The following IQSEC1 variants were observed in gnomAD, a reference collection of about 807,000 sequenced individuals.
The protein encoded by IQSEC1 is IQ motif and SEC7 domain-containing protein 1.
IQSEC1 carries 31 observed loss-of-function variants against 91.0 expected under a neutral mutation model. The observed-to-expected ratio is 0.34, with a 90% CI of 0.26 to 0.46. The LOEUF is 0.46. Among genes scored for constraint, IQSEC1 ranks in the 20% least tolerant of loss-of-function variants. The pLI is 1.00. For synonymous variants in IQSEC1, 699 were observed against 662.6 expected, an observed-to-expected ratio of 1.05 and a Z score of -0.84; for missense variants, 1,388 against 1,575.6, an observed-to-expected ratio of 0.88 and a Z score of 2.02.
At chr3:12,949,463 G>A (rs916543154) in intron 1 of IQSEC1, among the ~76,000 whole-genome samples, 1 of 152,264 alleles carries the variant, frequency 6.6e-6, no homozygotes, top group African/African-American at 2.4e-5. Context: ...GCACAGGCCA[G>A]AGCAAAACAG....
At chr3:13,077,011 T>G (rs1303270673), upstream of IQSEC1, among the ~76,000 whole-genome samples, 2 of 137,312 alleles carry the variant, frequency 1.5e-5, no homozygotes, top group Admixed American at 8.2e-5. Context: ...ATGGCATCAT[T>G]TTACAAATTT....
intron 1 of IQSEC1, among the ~76,000 whole-genome samples, chr3:13,053,836 C>A (rs1704783013): frequency 6.6e-6 from 1 of 152,206 alleles, no homozygotes; most frequent in Non-Finnish European, 1.5e-5. Flanking sequence ...CACATATATT[C>A]ACTGTACTAA....
rs567422625 is a variant in IQSEC1, at chr3:12,979,686, C to T, written c.24-37821G>A. 6.6e-6 allele frequency among the ~76,000 whole-genome samples: 1 copy of T among 152,214 alleles called. No individual in the cohort carries two copies. The highest frequency in any genetic ancestry group is 6.5e-5 in the Admixed American group (1 of 15,296). ...TAAGCCTTTGTGGGTGATAAAGAGA[C>T]ATTAAAGGTCTGTCAGCATGCCGAC... On this transcript the variant is annotated intron_variant, in intron 1 of 13. Transcript: ENST00000613206. The surrounding 1 kb of genome is among the most constrained non-coding windows in gnomAD (Gnocchi z 4.3).
chr3:13,013,717 G>A (rs1011131494), intron 1 of IQSEC1, among the ~76,000 whole-genome samples: 2 of 151,520 alleles, frequency 1.3e-5, no homozygotes, highest in South Asian at 2.1e-4. Flanking sequence ...CACCAAGAAG[G>A]GAAGGGATGG....
intron 1 of IQSEC1, among the ~76,000 whole-genome samples, chr3:12,984,070 C>T (rs1701604129): frequency 1.3e-5 from 2 of 152,174 alleles, no homozygotes; most frequent in South Asian, 4.1e-4. Flanking sequence ...GGGACCCAGG[C>T]CTTCTCTAAG....
intron 1 of IQSEC1, among the ~76,000 whole-genome samples, chr3:13,187,824 C>T (rs471259): frequency 0.1 from 15,779 of 152,204 alleles, 1,165 homozygotes; most frequent in Non-Finnish European, 0.15. Flanking sequence ...GGACCCACCT[C>T]CTTATGGAGA....
chr3:13,150,014 GGA>G (rs1244203338), intron 2 of IQSEC1, among the ~76,000 whole-genome samples: 1 of 152,144 alleles, frequency 6.6e-6, no homozygotes, highest in African/African-American at 2.4e-5. Flanking sequence ...GGTTCTAGAG[GGA>G]GAGTGGGAGG....
intron 1 of IQSEC1, among the ~76,000 whole-genome samples, chr3:13,032,972 C>T (rs757499472): frequency 1.3e-5 from 2 of 152,218 alleles, no homozygotes; most frequent in East Asian, 1.9e-4. Context: ...ACGAGGGCCT[C>T]GGGGCCTGGA....
chr3:12,942,481 T>C (rs1284690417), intron 1 of IQSEC1, among the ~76,000 whole-genome samples: 1 of 151,790 alleles, frequency 6.6e-6, no homozygotes, highest in Non-Finnish European at 1.5e-5. Flanking sequence ...TGGTCGCCTG[T>C]AGTCCCAGCT....
chr3:13,003,704 A>G (rs966767770), intron 1 of IQSEC1, among the ~76,000 whole-genome samples: 5 of 152,224 alleles, frequency 3.3e-5, no homozygotes, highest in African/African-American at 1.2e-4. Context: ...AAAGCTTGGT[A>G]AAAAGGACAT....
intron 1 of IQSEC1, among the ~76,000 whole-genome samples, chr3:13,012,641 C>T (rs1438478668): frequency 6.6e-6 from 1 of 152,236 alleles, no homozygotes; most frequent in Non-Finnish European, 1.5e-5. Flanking sequence ...ATGCCGGGCA[C>T]AGAGCCAGGG....
At chr3:12,905,204 C>A (rs1271184100) in intron 12 of IQSEC1, among the ~76,000 whole-genome samples, 1 of 152,222 alleles carries the variant, frequency 6.6e-6, no homozygotes, top group Non-Finnish European at 1.5e-5. Context: ...CTGATCAGGC[C>A]AAGCCAGCCC....
chr3:13,218,368 A>G (rs141109598), intron 1 of IQSEC1, among the ~76,000 whole-genome samples: 32 of 152,320 alleles, frequency 2.1e-4, no homozygotes, highest in Non-Finnish European at 4.1e-4. Context: ...ATGTAGAATG[A>G]ATGACTCATA....
At position 12,941,784 on chromosome 3, in the gene IQSEC1, G is replaced by A. The variant is rs200380325; in HGVS notation, c.105C>T (p.Pro35=). 6.8e-5 allele frequency: 109 copies of A among 1,611,366 alleles called. 1 individual carries two copies. The highest frequency in any genetic ancestry group is 8.1e-5 in the Non-Finnish European group (95 of 1,179,668). The change falls in exon 2 of 14, where the codon CCC becomes CCT. Residue 35 remains proline (P), a synonymous_variant. Coordinates refer to ENST00000613206, the MANE Select transcript of IQSEC1 (RefSeq NM_001134382.3). ...PSAYPQGPLV[P]GSSLSPDHYE... ...AGTGATCCGGGCTCAGGCTGGAACC[G>A]GGCACCAAGGGGCCCTGGGGGTAGG...
At chr3:13,117,609 G>A (rs1383200242) in intron 2 of IQSEC1, among the ~76,000 whole-genome samples, 1 of 141,788 alleles carries the variant, frequency 7.1e-6, no homozygotes, top group Non-Finnish European at 1.5e-5. Context: ...AGCCACGGCT[G>A]GGTGCAGTGG....
chr3:13,145,517 A>G (rs899643026), intron 2 of IQSEC1, among the ~76,000 whole-genome samples: 21 of 152,092 alleles, frequency 1.4e-4, no homozygotes, highest in Non-Finnish European at 2.9e-4. Context: ...GGCTCCCTCT[A>G]ATGTCTCACT....
At chr3:13,098,541 G>T (rs1398741737) in intron 2 of IQSEC1, among the ~76,000 whole-genome samples, 4 of 152,164 alleles carry the variant, frequency 2.6e-5, no homozygotes, top group African/African-American at 9.7e-5. Context: ...ATAGGAGGAT[G>T]GAGAGGGCCT....
intron 1 of IQSEC1, among the ~76,000 whole-genome samples, chr3:13,246,497 A>C (rs1299626502): frequency 6.6e-6 from 1 of 152,230 alleles, no homozygotes; most frequent in Non-Finnish European, 1.5e-5. Flanking sequence ...AAAGTGGCGA[A>C]AATGGTAAAT....
At chr3:13,119,615 T>G (rs12486138) in intron 2 of IQSEC1, among the ~76,000 whole-genome samples, 45,561 of 152,196 alleles carry the variant, frequency 0.3, 7,012 homozygotes, top group South Asian at 0.47. Flanking sequence ...AAATCTTTCA[T>G]GCACTCACAA....
Sources: allele counts gnomAD v4.1 joint callset (sites outside exome capture counted in the v4.1 genomes callset), GRCh38; gene constraint gnomAD v4.1.1; non-coding constraint Gnocchi (gnomAD v3.1); transcripts MANE v1.5; gene names NCBI Gene and HGNC (gene_info 2026-07-23, HGNC 2026-07-21).